Variants in GALNT2 observed in about 807,000 individuals in gnomAD.
GALNT2 encodes UDP-GalNAc:polypeptide N-acetylgalactosaminyltransferase 2.
A neutral mutation model predicts 81.4 loss-of-function variants in GALNT2; 31 were observed. The ratio of observed to expected loss-of-function variants is 0.38; its 90% confidence interval spans 0.29 to 0.51. The LOEUF is 0.51. Ranked by LOEUF, GALNT2 falls within the 20% of genes least tolerant of loss-of-function variation. GALNT2 has a pLI of 0.87. For missense variants in GALNT2, 629 were observed against 765.7 expected (o/e 0.82, Z 2.11); for synonymous variants, 303 against 287.4 (o/e 1.05, Z -0.55).
intron 1 of GALNT2, 61 bp from the exon 2 acceptor site, chr1:230,178,157 C>T (rs1558125977): frequency 1.5e-6 from 2 of 1,327,162 alleles, no homozygotes; most frequent in Non-Finnish European, 1.1e-6. Context: ...ATGTATTGAA[C>T]TGATGAATGA....
intron 2 of GALNT2, among the ~76,000 whole-genome samples, chr1:230,183,085 G>C (rs1029801662): frequency 1.3e-5 from 2 of 152,010 alleles, no homozygotes; most frequent in African/African-American, 2.4e-5. Context: ...ACTTTCTTTT[G>C]ATTAGTGTTA....
chr1:230,070,229 A>G lies in GALNT2; in HGVS notation c.126+2823A>G, dbSNP rs1379596108. On this transcript the variant is annotated intron_variant, in intron 1 of 15. Coordinates refer to ENST00000366672, the MANE Select transcript of GALNT2 (RefSeq NM_004481.5). This position sits in a 1 kb window ranked among gnomAD's most constrained non-coding sequence, Gnocchi z 4.7. ...TATTGTTTAAAATTATGTTTCATTTACATTTGTGTCCATACCCTTTCCCCC... is the reference window on the plus strand; with the variant it reads ...TATTGTTTAAAATTATGTTTCATTTGCATTTGTGTCCATACCCTTTCCCCC... Among the ~76,000 whole-genome samples the G allele has an allele frequency of 6.6e-6, 1 of 152,160 alleles. No individual in the cohort carries two copies. Among genetic ancestry groups the G allele is most frequent in the Admixed American group, 6.5e-5 (1 of 15,282 alleles).
intron 1 of GALNT2, among the ~76,000 whole-genome samples, chr1:230,163,505 G>A (rs1259375840): frequency 6.6e-6 from 1 of 152,224 alleles, no homozygotes; most frequent in Non-Finnish European, 1.5e-5. Flanking sequence ...TTTTTGTTGA[G>A]AGCCTTCTGT....
At chr1:230,090,370 T>C (rs903301363) in intron 1 of GALNT2, among the ~76,000 whole-genome samples, 1 of 151,596 alleles carries the variant, frequency 6.6e-6, no homozygotes, top group Non-Finnish European at 1.5e-5. Context: ...TGAAGTGGGG[T>C]GGGTGGGTGA....
intron 5 of GALNT2, 93 bp downstream of exon 5, chr1:230,236,513 C>T: frequency 6.9e-7 from 1 of 1,443,768 alleles, no homozygotes; most frequent in East Asian, 2.3e-5. Flanking sequence ...GTGAACAAGC[C>T]AGAAATCAGA....
chr1:230,166,318 A>G (rs1421183171), intron 1 of GALNT2, among the ~76,000 whole-genome samples: 5 of 151,936 alleles, frequency 3.3e-5, no homozygotes, highest in African/African-American at 9.7e-5. Context: ...TTTTTCAGGC[A>G]CTCCTCCCCG....
At chr1:230,104,656 T>C (rs1407527235) in intron 1 of GALNT2, among the ~76,000 whole-genome samples, 2 of 152,210 alleles carry the variant, frequency 1.3e-5, no homozygotes, top group Non-Finnish European at 2.9e-5. Flanking sequence ...GCTCACAGAG[T>C]TCCACCCATG....
intron 1 of GALNT2, among the ~76,000 whole-genome samples, chr1:230,113,351 C>T (rs2102792211): frequency 6.6e-6 from 1 of 152,198 alleles, no homozygotes; most frequent in Admixed American, 6.5e-5. Context: ...CTCCTTGACT[C>T]AGGAATCCAG....
rs542287761 is a variant in GALNT2, at chr1:230,212,215, G to A, written c.374+8925G>A. The stretch of plus-strand genomic sequence containing the variant: ...CTCTGTATCCTGGGCTCAGGGTTCT[G>A]TCTAACAGTTGTGGCTCCCTTACTG... On this transcript the variant is annotated intron_variant, in intron 3 of 15. Coordinates refer to ENST00000366672, the MANE Select transcript of GALNT2 (RefSeq NM_004481.5). Among the ~76,000 whole-genome samples, 19 of 152,282 alleles carry A rather than the reference G, an allele frequency of 1.2e-4. 1 individual carries two copies. The highest frequency in any genetic ancestry group is 4.6e-4 in the African/African-American group (19 of 41,562).
In GALNT2 at chr1:230,275,761, T is replaced by G. The variant is rs190073992; in HGVS notation, c.1560+1197T>G. On this transcript the variant is annotated intron_variant, in intron 15 of 15. Coordinates refer to ENST00000366672, the MANE Select transcript of GALNT2 (RefSeq NM_004481.5). This position sits in a 1 kb window ranked among gnomAD's most constrained non-coding sequence, Gnocchi z 5.5. ...TACAAACACCACATATATATACATA[T>G]ATACATACACCACAGATATATACAT... 6.6e-6 allele frequency among the ~76,000 whole-genome samples: 1 copy of G among 151,042 alleles called. No homozygotes were observed. The highest frequency in any genetic ancestry group is 2.4e-5 in the African/African-American group (1 of 41,056).
At chr1:230,102,680 C>T (rs1397941512) in intron 1 of GALNT2, among the ~76,000 whole-genome samples, 1 of 152,006 alleles carries the variant, frequency 6.6e-6, no homozygotes, top group Non-Finnish European at 1.5e-5. Flanking sequence ...ATGACAGACA[C>T]TTAGTGTGAT....
At chr1:230,211,523 A>G (rs934460165) in intron 3 of GALNT2, among the ~76,000 whole-genome samples, 2 of 152,200 alleles carry the variant, frequency 1.3e-5, no homozygotes, top group African/African-American at 4.8e-5. Context: ...GGCTGGGCAC[A>G]GTGGCTCACA....
chr1:230,226,697 GA>G lies in GALNT2; in HGVS notation c.375-9316del, dbSNP rs760726430. The stretch of plus-strand genomic sequence containing the variant: ...TCGCCACTCTCTCCCAAAGTTAGGG[GA>G]GCCAGTCATCGCACCCGCGGACATT... On this transcript the variant is annotated intron_variant, in intron 3 of 15. Coordinates refer to ENST00000366672, the MANE Select transcript of GALNT2 (RefSeq NM_004481.5). Among the ~76,000 whole-genome samples, 7 of 152,354 alleles carry G rather than the reference GA, an allele frequency of 4.6e-5. No individual in the cohort carries two copies. The South Asian group carries it at 6.2e-4, about 14-fold the overall frequency.
chr1:230,059,054 A>G (rs1302140319), intron 1 of GALNT2, among the ~76,000 whole-genome samples: 1 of 152,170 alleles, frequency 6.6e-6, no homozygotes, highest in African/African-American at 2.4e-5. Flanking sequence ...AGCAGTCATA[A>G]TTTTGTTTCT....
intron 1 of GALNT2, among the ~76,000 whole-genome samples, chr1:230,162,619 CA>C (rs1662469653): frequency 6.6e-6 from 1 of 152,172 alleles, no homozygotes; most frequent in Admixed American, 6.5e-5. Flanking sequence ...AGCCAGCCAT[CA>C]ACCCTGAAAA....
intron 2 of GALNT2, among the ~76,000 whole-genome samples, chr1:230,186,291 A>G (rs1392238666): frequency 6.6e-6 from 1 of 152,082 alleles, no homozygotes; most frequent in Non-Finnish European, 1.5e-5. Flanking sequence ...TGTCCCACCT[A>G]CACCAGATGC....
Position 230,263,203 on chromosome 1 carries a change from T to C in GALNT2, c.1313+198T>C, listed in dbSNP as rs1665930595. On this transcript the variant is annotated intron_variant, in intron 13 of 15. Transcript: ENST00000366672. ...AGTTGGCCTGCTGCTGTCTCTGTCC[T>C]GCAGAGCTGCCCTCCCATGCTTCGG... 3 of 577,662 alleles carry C rather than the reference T, an allele frequency of 5.2e-6. No individual in the cohort carries two copies. The South Asian group carries it at 6.3e-5, about 12-fold the overall frequency. The allele number at this position is 577,662 out of a possible 1,614,324, so 35.8% of individuals were successfully genotyped here.
At chr1:230,131,217 A>G (rs1661357637) in intron 1 of GALNT2, among the ~76,000 whole-genome samples, 1 of 152,116 alleles carries the variant, frequency 6.6e-6, no homozygotes, top group African/African-American at 2.4e-5. Flanking sequence ...TGCTGTCTGC[A>G]GCACATAGAC....
Position 230,275,402 on chromosome 1 carries a change from TACATATGTAAACACC to T in GALNT2, c.1560+845_1560+859del. On this transcript the variant is annotated intron_variant, in intron 15 of 15. Transcript: ENST00000366672. This position sits in a 1 kb window ranked among gnomAD's most constrained non-coding sequence, Gnocchi z 5.5. ...ACCACATGTATACACGCCACATATA[TACATATGTAAACACC>T]ACATATATACACACCACATATATAT... Among the ~76,000 whole-genome samples, 1 of 151,054 alleles carries T rather than the reference TACATATGTAAACACC, an allele frequency of 6.6e-6. No homozygotes were observed. Among genetic ancestry groups the T allele is most frequent in the Middle Eastern group, 3.5e-3 (1 of 282 alleles).
Sources: allele counts gnomAD v4.1 joint callset (sites outside exome capture counted in the v4.1 genomes callset), GRCh38; gene constraint gnomAD v4.1.1; non-coding constraint Gnocchi (gnomAD v3.1); transcripts MANE v1.5; gene names NCBI Gene and HGNC (gene_info 2026-07-23, HGNC 2026-07-21).